Variants in FGD3 observed in about 807,000 individuals in gnomAD.
FGD3 encodes the protein FYVE, RhoGEF and PH domain containing 3, also known as FYVE, RhoGEF and PH domain-containing protein 3.
A neutral mutation model predicts 71.8 loss-of-function variants in FGD3; 45 were observed. That is an observed-to-expected ratio of 0.63 (90% confidence interval 0.49 to 0.80). The LOEUF is 0.80. Ranked by LOEUF, FGD3 falls within the 30% of genes least tolerant of loss-of-function variation. The probability of loss-of-function intolerance (pLI) is 0.00; values close to 1 mark genes in which losing one functional copy is unlikely to be tolerated. For synonymous variants in FGD3, 378 were observed against 392.8 expected (o/e 0.96, Z 0.44); for missense variants, 844 against 951.5 (o/e 0.89, Z 1.49).
At chr9:92,948,574 A>G (rs1858898020) in intron 1 of FGD3, among the ~76,000 whole-genome samples, 1 of 152,236 alleles carries the variant, frequency 6.6e-6, no homozygotes. Context: ...GCCTAAAATC[A>G]GTTTGAAGTG....
In FGD3 at chr9:93,010,334, A is replaced by G; in HGVS notation, c.926A>G (p.Asp309Gly). ...RVPRYELLLK[D>G]YLKRLPQDAP... ...CCCCGGTACGAGCTGCTGCTCAAGG[A>G]CTATCTGAAGAGGCTCCCGCAGGAC... Residue 309 changes from aspartate (D) to glycine (G), a missense_variant, in exon 7 of 18, where the codon GAC (aspartate) becomes GGC (glycine). Coordinates refer to ENST00000375482, the MANE Select transcript of FGD3 (RefSeq NM_001083536.2). The G allele has an allele frequency of 6.2e-7, 1 of 1,613,702 alleles. No individual in the cohort carries two copies. Among genetic ancestry groups the G allele is most frequent in the Non-Finnish European group, 8.5e-7 (1 of 1,179,682 alleles).
intron 1 of FGD3, among the ~76,000 whole-genome samples, chr9:92,963,578 G>C (rs528664285): frequency 2.0e-5 from 3 of 152,264 alleles, no homozygotes; most frequent in African/African-American, 7.2e-5. Flanking sequence ...GGGATTTCAG[G>C]CATGAGCCAC....
In FGD3 at chr9:93,010,313, G is replaced by A. The variant is rs1861261774; in HGVS notation, c.905G>A (p.Arg302Gln). 1.2e-6 allele frequency: 2 copies of A among 1,613,662 alleles called. No individual in the cohort carries two copies. Among genetic ancestry groups the A allele is most frequent in the Non-Finnish European group, 1.7e-6 (2 of 1,179,672 alleles). ...HMLEPVQRVP[R>Q]YELLLKDYLK... Reference sequence around the variant, plus strand: ...CTGGAGCCCGTGCAGAGGGTCCCCCGGTACGAGCTGCTGCTCAAGGACTAT... The same window carrying A: ...CTGGAGCCCGTGCAGAGGGTCCCCCAGTACGAGCTGCTGCTCAAGGACTAT... Residue 302 changes from arginine (R) to glutamine (Q), a missense_variant, in exon 7 of 18, where the codon CGG becomes CAG. Transcript: ENST00000375482.
chr9:93,002,571 C>T (rs1476874290), intron 3 of FGD3, among the ~76,000 whole-genome samples: 1 of 152,170 alleles, frequency 6.6e-6, no homozygotes, highest in Non-Finnish European at 1.5e-5. Flanking sequence ...GGTGCTGTAG[C>T]TTCTCGGCTG....
intron 1 of FGD3, among the ~76,000 whole-genome samples, chr9:92,950,716 T>C (rs1043227234): frequency 6.6e-6 from 1 of 152,194 alleles, no homozygotes; most frequent in African/African-American, 2.4e-5. Flanking sequence ...CCTCATGAAC[T>C]GTGGAGGCTG....
At chr9:92,950,169 G>A (rs1858928311) in intron 1 of FGD3, among the ~76,000 whole-genome samples, 1 of 152,010 alleles carries the variant, frequency 6.6e-6, no homozygotes, top group African/African-American at 2.4e-5. Context: ...TGTAATCCCA[G>A]CACTTTGGGA....
At chr9:93,007,369 C>T (rs917951355) in intron 6 of FGD3, among the ~76,000 whole-genome samples, 9 of 152,188 alleles carry the variant, frequency 5.9e-5, no homozygotes, top group South Asian at 2.1e-4. Flanking sequence ...GGATTACAGG[C>T]GTGAGCCACC....
chr9:92,961,281 G>A (rs1222985506), intron 1 of FGD3, among the ~76,000 whole-genome samples: 1 of 152,210 alleles, frequency 6.6e-6, no homozygotes, highest in Non-Finnish European at 1.5e-5. Context: ...TTGAGGGACA[G>A]GCTAAGGGAC....
intron 1 of FGD3, 145 bp downstream of exon 1, chr9:92,947,874 G>A: frequency 6.6e-6 from 1 of 152,586 alleles, no homozygotes; most frequent in Non-Finnish European, 1.5e-5. Flanking sequence ...TGCAGAAGGA[G>A]GAGGTGACTG....
chr9:93,026,189 T>C (rs1862107589), intron 14 of FGD3, among the ~76,000 whole-genome samples: 1 of 152,158 alleles, frequency 6.6e-6, no homozygotes, highest in East Asian at 1.9e-4. Context: ...TGGAGACCAC[T>C]TTCTGGGTCA....
At chr9:93,020,709 T>C (rs6479446) in intron 13 of FGD3, 204,429 of 349,808 alleles carry the variant, frequency 0.58, 63,013 homozygotes, top group African/African-American at 0.88. Flanking sequence ...GCTGTGTGGT[T>C]GGAGAGGATT....
chr9:93,022,114 A>G (rs1251282846), intron 13 of FGD3, among the ~76,000 whole-genome samples: 1 of 152,174 alleles, frequency 6.6e-6, no homozygotes, highest in Non-Finnish European at 1.5e-5. Flanking sequence ...TCACTGGGAG[A>G]TGCTCCTTCT....
chr9:93,035,324 C>T lies in FGD3; in HGVS notation c.1927-14C>T. On this transcript the variant is annotated splice_polypyrimidine_tract_variant and intron_variant, in intron 17 of 17. Coordinates refer to ENST00000375482, the MANE Select transcript of FGD3 (RefSeq NM_001083536.2). ...AAGCTGTGGCCCCGCTGACCATCTG[C>T]TCCTCTGCTGCAGGACGGCCGGCTG... The T allele has an allele frequency of 6.2e-7, 1 of 1,604,908 alleles. No homozygotes were observed. The highest frequency in any genetic ancestry group is 8.5e-7 in the Non-Finnish European group (1 of 1,175,508).
At chr9:93,032,953 C>G in intron 16 of FGD3, 80 bp downstream of exon 16, 1 of 1,323,350 alleles carries the variant, frequency 7.6e-7, no homozygotes, top group Non-Finnish European at 1.1e-6. Flanking sequence ...CCAGCAGCTC[C>G]AGCTGCCTCT....
At chr9:92,984,557 T>G (rs1193436136) in intron 3 of FGD3, among the ~76,000 whole-genome samples, 1 of 152,228 alleles carries the variant, frequency 6.6e-6, no homozygotes, top group Non-Finnish European at 1.5e-5. Flanking sequence ...AAGTGTGGGC[T>G]ATTTCTAAAT....
chr9:92,975,156 A>C (rs1587822800), intron 1 of FGD3, 82 bp from the exon 2 acceptor site: 1 of 152,160 alleles, frequency 6.6e-6, no homozygotes, highest in Admixed American at 6.6e-5. Flanking sequence ...CCTCCTCCGC[A>C]CCCCCGCAGA....
At chr9:92,949,154 A>G (rs910851583) in intron 1 of FGD3, among the ~76,000 whole-genome samples, 8 of 152,100 alleles carry the variant, frequency 5.3e-5, no homozygotes, top group African/African-American at 1.9e-4. Context: ...GGGAGGTCAG[A>G]GCAGGATGCA....
intron 3 of FGD3, among the ~76,000 whole-genome samples, chr9:92,994,415 G>A (rs1456528232): frequency 6.6e-6 from 1 of 152,142 alleles, no homozygotes; most frequent in Non-Finnish European, 1.5e-5. Flanking sequence ...CATTCTGTAG[G>A]TTGCCTGTTC....
chr9:92,967,814 C>T (rs867038767), intron 1 of FGD3, among the ~76,000 whole-genome samples: 11 of 152,170 alleles, frequency 7.2e-5, no homozygotes, highest in African/African-American at 9.6e-5. Flanking sequence ...ACCTCGTGAT[C>T]CGCCCGCCTC....
Sources: allele counts gnomAD v4.1 joint callset (sites outside exome capture counted in the v4.1 genomes callset), GRCh38; gene constraint gnomAD v4.1.1; transcripts MANE v1.5; gene names NCBI Gene and HGNC (gene_info 2026-07-23, HGNC 2026-07-21).